The following PCDHGA9 variants were observed in gnomAD, a reference collection of about 807,000 sequenced individuals.
PCDHGA9 encodes the protein protocadherin gamma-A9.
A neutral mutation model predicts 62.5 loss-of-function variants in PCDHGA9; 37 were observed. The observed-to-expected ratio is 0.59, with a 90% CI of 0.46 to 0.78. The LOEUF is 0.78. Ranked by LOEUF, PCDHGA9 falls within the 30% of genes least tolerant of loss-of-function variation. The pLI is 0.00. For missense variants in PCDHGA9, 1,138 were observed against 1,166.2 expected, an observed-to-expected ratio of 0.98 and a Z score of 0.35; for synonymous variants, 459 against 484.6, an observed-to-expected ratio of 0.95 and a Z score of 0.69.
Position 141,431,740 on chromosome 5 carries a change from T to C in PCDHGA9, c.2424+26364T>C. 6.2e-7 allele frequency: 1 copy of C among 1,614,230 alleles called. No individual in the cohort carries two copies. Among genetic ancestry groups the C allele is most frequent in the South Asian group, 1.1e-5 (1 of 91,088 alleles). On this transcript the variant is annotated intron_variant, in intron 1 of 3. Transcript: ENST00000573521. This position sits in a 1 kb window ranked among gnomAD's most constrained non-coding sequence, Gnocchi z 4.8. ...TGCAAGCAATGGATAATGCAGGATA[T>C]TCTGCGCGAGCCAAAGTCCTGATCA... is the stretch of plus-strand genomic sequence containing the variant.
chr5:141,408,442 G>A lies in PCDHGA9; in HGVS notation c.2424+3066G>A, dbSNP rs774397781. On this transcript the variant is annotated intron_variant, in intron 1 of 3. Transcript: ENST00000573521. ...AGCTGCACTTCAGCGTAGACGCGGA[G>A]AGCGGGGACTTACTTGTGAAGAACC... is the stretch of plus-strand genomic sequence containing the variant. 8.7e-6 allele frequency: 14 copies of A among 1,614,080 alleles called. 1 individual carries two copies. The South Asian group carries it at 1.5e-4, about 18-fold the overall frequency.
chr5:141,429,672 A>G (rs1036863132), intron 1 of PCDHGA9, among the ~76,000 whole-genome samples: 1 of 152,210 alleles, frequency 6.6e-6, no homozygotes, highest in African/African-American at 2.4e-5. Context: ...ATATTATTTT[A>G]TTTTATGCCT....
intron 1 of PCDHGA9, among the ~76,000 whole-genome samples, chr5:141,481,126 A>G (rs2099532217): frequency 6.6e-6 from 1 of 152,222 alleles, no homozygotes. Context: ...CATTTAGCAT[A>G]TTTGTGAAGT....
rs186109113 is a variant in PCDHGA9, at chr5:141,415,284, G to C, written c.2424+9908G>C. ...TGTACCTGGTGGTAGCGGTGGCCGCGGTCTCCTGCGTCTTCCTGGCCTTCG... is the reference window on the plus strand; with the variant it reads ...TGTACCTGGTGGTAGCGGTGGCCGCCGTCTCCTGCGTCTTCCTGGCCTTCG... On this transcript the variant is annotated intron_variant, in intron 1 of 3. Transcript: ENST00000573521. 4,314 of 1,614,198 alleles carry C rather than the reference G, an allele frequency of 2.7e-3. 11 individuals are homozygous for C. The highest frequency in any genetic ancestry group is 7.3e-3 in the Middle Eastern group (44 of 6,062).
At position 141,486,417 on chromosome 5, in the gene PCDHGA9, G is replaced by T. The variant is rs1298448753; in HGVS notation, c.2425-8390G>T. On this transcript the variant is annotated intron_variant, in intron 1 of 3. Transcript: ENST00000573521. The surrounding 1 kb of genome is among the most constrained non-coding windows in gnomAD (Gnocchi z 5.0). ...CTGGTGACTGCTGGACCCTTGGATCGAGAGGCCAAATCTAGCTATGACATC... is the reference window on the plus strand; with the variant it reads ...CTGGTGACTGCTGGACCCTTGGATCTAGAGGCCAAATCTAGCTATGACATC... The T allele has an allele frequency of 6.2e-7, 1 of 1,614,014 alleles. No homozygotes were observed. The highest frequency in any genetic ancestry group is 1.7e-5 in the Admixed American group (1 of 60,010).
At chr5:141,502,946 C>T (rs900624216) in intron 2 of PCDHGA9, among the ~76,000 whole-genome samples, 13 of 145,572 alleles carry the variant, frequency 8.9e-5, no homozygotes, top group African/African-American at 2.6e-4. Flanking sequence ...TGGGTTCAAG[C>T]GATTCTCCTG....
intron 1 of PCDHGA9, chr5:141,419,816 C>A (rs910172118): frequency 7.4e-6 from 12 of 1,613,940 alleles, no homozygotes; most frequent in Non-Finnish European, 1.0e-5. Context: ...AGGACAGCCA[C>A]CCCTTTCAGC....
At chr5:141,478,850 A>T in intron 1 of PCDHGA9, 1 of 1,376,726 alleles carries the variant, frequency 7.3e-7, no homozygotes, top group South Asian at 1.5e-5. Context: ...AAGCTAAAAC[A>T]CAAGATCTCA....
chr5:141,442,870 T>A (rs942975420), intron 1 of PCDHGA9, among the ~76,000 whole-genome samples: 1 of 152,192 alleles, frequency 6.6e-6, no homozygotes, highest in African/African-American at 2.4e-5. Flanking sequence ...AGATGTAAAT[T>A]TACAACTCAG....
intron 1 of PCDHGA9, among the ~76,000 whole-genome samples, chr5:141,436,515 G>A (rs1393437693): frequency 6.6e-6 from 1 of 152,160 alleles, no homozygotes; most frequent in Non-Finnish European, 1.5e-5. Context: ...ATTGTTAACT[G>A]TGTCACCTTT....
intron 1 of PCDHGA9, 193 bp downstream of exon 1, chr5:141,405,569 A>G: frequency 1.7e-6 from 1 of 604,184 alleles, no homozygotes. Context: ...GGACTAGAGT[A>G]GAGTAGCTGG....
At chr5:141,420,403 G>T in intron 1 of PCDHGA9, 3 of 1,246,014 alleles carry the variant, frequency 2.4e-6, no homozygotes, top group East Asian at 2.8e-5. Context: ...TCAAATTTAT[G>T]GTTATCATTA....
intron 1 of PCDHGA9, chr5:141,413,652 G>A: frequency 6.2e-7 from 1 of 1,613,780 alleles, no homozygotes; most frequent in Non-Finnish European, 8.5e-7. Context: ...TTCCTCTCCC[G>A]GAAGCTATTG....
In PCDHGA9 at chr5:141,490,823, A is replaced by T. The variant is rs1340589166; in HGVS notation, c.2425-3984A>T. ...CGTACCTTTGACTATGAATTGCTGC[A>T]GATGCTGCAGATTGTGGTGGGGGTT... On this transcript the variant is annotated intron_variant, in intron 1 of 3. Transcript: ENST00000573521. This position sits in a 1 kb window ranked among gnomAD's most constrained non-coding sequence, Gnocchi z 5.4. 13 of 1,613,928 alleles carry T rather than the reference A, an allele frequency of 8.1e-6. No individual in the cohort carries two copies. Among genetic ancestry groups the T allele is most frequent in the Non-Finnish European group, 9.3e-6 (11 of 1,179,864 alleles).
intron 1 of PCDHGA9, among the ~76,000 whole-genome samples, chr5:141,459,532 TA>T (rs1031834752): frequency 6.6e-5 from 10 of 152,354 alleles, no homozygotes; most frequent in East Asian, 3.9e-4. Context: ...TTTGTAGGCA[TA>T]TTTTTTTTAT....
rs2154591356 is a variant in PCDHGA9, at chr5:141,493,972, C to G, written c.2425-835C>G. Among the ~76,000 whole-genome samples, 6 of 152,276 alleles carry G rather than the reference C, an allele frequency of 3.9e-5. No homozygotes were observed. In the Middle Eastern group the frequency reaches 0.014, roughly 345 times the overall value. On this transcript the variant is annotated intron_variant, in intron 1 of 3. Coordinates refer to ENST00000573521, the MANE Select transcript of PCDHGA9 (RefSeq NM_018921.3). This position sits in a 1 kb window ranked among gnomAD's most constrained non-coding sequence, Gnocchi z 4.3. ...CAGGAATGAAGTGGCTGGCCAGAGC[C>G]CCACACCTTCAGCTAGGTGGGAGAT...
chr5:141,427,881 C>T (rs774499492), intron 1 of PCDHGA9: 6 of 1,563,720 alleles, frequency 3.8e-6, no homozygotes, highest in South Asian at 3.3e-5. Context: ...GATGCAGGCC[C>T]ACGACCAGGG....
In PCDHGA9 at chr5:141,490,801, A is replaced by G; in HGVS notation, c.2425-4006A>G. On this transcript the variant is annotated intron_variant, in intron 1 of 3. Transcript: ENST00000573521. The surrounding 1 kb of genome is among the most constrained non-coding windows in gnomAD (Gnocchi z 5.4). ...GGATGGACGGATCTTTGCCCAGCGT[A>G]CCTTTGACTATGAATTGCTGCAGAT... The G allele has an allele frequency of 6.2e-7, 1 of 1,613,854 alleles. No homozygotes were observed. Among genetic ancestry groups the G allele is most frequent in the African/African-American group, 1.3e-5 (1 of 75,042 alleles).
chr5:141,494,306 T>G (rs1432951954), intron 1 of PCDHGA9, among the ~76,000 whole-genome samples: 1 of 152,212 alleles, frequency 6.6e-6, no homozygotes, highest in Non-Finnish European at 1.5e-5. Flanking sequence ...AATGTGTCAC[T>G]GCACAACCTG....
Sources: gnomAD v4.1 joint callset for allele counts (sites outside exome capture counted in the v4.1 genomes callset) on GRCh38, gnomAD v4.1.1 for gene constraint, Gnocchi (gnomAD v3.1) non-coding constraint, MANE v1.5 for transcripts, NCBI Gene and HGNC (gene_info 2026-07-23, HGNC 2026-07-21) for gene names.